Variants in HAO1 observed in about 807,000 individuals in gnomAD.
The protein encoded by HAO1 is hydroxyacid oxidase 1.
HAO1 carries 34 observed loss-of-function variants against 39.7 expected under a neutral mutation model. The observed-to-expected ratio is 0.86, with a 90% CI of 0.65 to 1.14. The LOEUF is 1.14. Among genes scored for constraint, HAO1 ranks in the 50% most tolerant of loss-of-function variants. The pLI is 0.00. For missense variants in HAO1, 479 were observed against 464.5 expected (o/e 1.03, Z -0.29); for synonymous variants, 172 against 173.2 (o/e 0.99, Z 0.05).
chr20:7,914,098 C>A, intron 3 of HAO1, 66 bp downstream of exon 3: 1 of 1,574,876 alleles, frequency 6.3e-7, no homozygotes, highest in Non-Finnish European at 8.7e-7. Flanking sequence ...CAGTAGAACC[C>A]AGACCCTAAC....
intron 2 of HAO1, among the ~76,000 whole-genome samples, chr20:7,932,766 T>A (rs1416059021): frequency 6.6e-6 from 1 of 152,190 alleles, no homozygotes; most frequent in Non-Finnish European, 1.5e-5. Context: ...TTTTTTCAAA[T>A]TATTTTCCTG....
At chr20:7,895,369 G>A in intron 4 of HAO1, 145 bp from the exon 5 acceptor site, 1 of 577,690 alleles carries the variant, frequency 1.7e-6, no homozygotes, top group Non-Finnish European at 3.1e-6. Context: ...TATACCCTAG[G>A]GTTAGCGCTA....
chr20:7,892,068 T>C (rs949961434), intron 5 of HAO1, among the ~76,000 whole-genome samples: 1 of 152,056 alleles, frequency 6.6e-6, no homozygotes, highest in Non-Finnish European at 1.5e-5. Context: ...CAGTTTTCAT[T>C]ACTTTTCATC....
intron 5 of HAO1, among the ~76,000 whole-genome samples, chr20:7,893,027 C>G (rs990937615): frequency 1.1e-4 from 16 of 152,112 alleles, no homozygotes; most frequent in Admixed American, 3.9e-4. Flanking sequence ...ACCTCATTGG[C>G]CTTTCTGCCT....
rs756100563 is a variant in HAO1 at position 7,885,844 on chromosome 20, A to G, written c.834T>C (p.Ile278=). The change falls in exon 6 of 8, where the codon ATT becomes ATC. Residue 278 remains isoleucine (I), a synonymous_variant. Transcript: ENST00000378789. The stretch of plus-strand genomic sequence containing the variant: ...CCACCTTCCCTTCCACAGCCTCCAC[A>G]ATTTCTGGCAGAACATCAATCTGGG... ...VPATIDVLPE[I]VEAVEGKVEV... is the part of the protein sequence containing the mutation. 1 of 1,613,488 alleles carries G rather than the reference A, an allele frequency of 6.2e-7. No homozygotes were observed. Among genetic ancestry groups the G allele is most frequent in the Non-Finnish European group, 8.5e-7 (1 of 1,179,602 alleles).
intron 4 of HAO1, among the ~76,000 whole-genome samples, chr20:7,899,254 A>G (rs1161481521): frequency 2.6e-5 from 4 of 152,126 alleles, no homozygotes; most frequent in Non-Finnish European, 5.9e-5. Context: ...AAATGAGGAT[A>G]GAGATCCACA....
chr20:7,889,512 A>G (rs1254150590), intron 5 of HAO1, among the ~76,000 whole-genome samples: 1 of 152,210 alleles, frequency 6.6e-6, no homozygotes, highest in African/African-American at 2.4e-5. Context: ...CATTATAACC[A>G]TGAGGTGATA....
intron 2 of HAO1, among the ~76,000 whole-genome samples, chr20:7,933,087 T>C (rs1049211894): frequency 5.3e-5 from 8 of 152,346 alleles, no homozygotes; most frequent in Admixed American, 5.2e-4. Context: ...TGAAATTGAA[T>C]ATTTTTCATA....
intron 4 of HAO1, 96 bp from the exon 5 acceptor site, chr20:7,895,320 C>T: frequency 1.3e-6 from 1 of 762,334 alleles, no homozygotes. Flanking sequence ...GAGGCTGACT[C>T]CCATCTGCAT....
intron 2 of HAO1, among the ~76,000 whole-genome samples, chr20:7,929,158 T>C (rs1358313328): frequency 6.6e-6 from 1 of 152,208 alleles, no homozygotes; most frequent in Non-Finnish European, 1.5e-5. Flanking sequence ...TACCTTTTTT[T>C]CCCTGAGGTT....
intron 4 of HAO1, among the ~76,000 whole-genome samples, chr20:7,899,250 G>A (rs906520779): frequency 6.6e-6 from 1 of 151,782 alleles, no homozygotes; most frequent in African/African-American, 2.4e-5. Context: ...CATAAAATGA[G>A]GATAGAGATC....
chr20:7,919,998 A>G (rs886341658), intron 2 of HAO1, among the ~76,000 whole-genome samples: 2 of 152,154 alleles, frequency 1.3e-5, no homozygotes, highest in African/African-American at 2.4e-5. Flanking sequence ...TAATGACCAT[A>G]TTCATCACCT....
At chr20:7,912,210 G>T (rs542015269) in intron 3 of HAO1, among the ~76,000 whole-genome samples, 1 of 152,198 alleles carries the variant, frequency 6.6e-6, no homozygotes, top group South Asian at 2.1e-4. Flanking sequence ...CACATCATCT[G>T]GGAAGGAGCC....
At chr20:7,908,769 T>A (rs745492980) in intron 3 of HAO1, among the ~76,000 whole-genome samples, 8 of 152,186 alleles carry the variant, frequency 5.3e-5, no homozygotes, top group Non-Finnish European at 1.0e-4. Context: ...TTCTTTTTAT[T>A]TAAATCAAAC....
chr20:7,919,283 G>A (rs1389312314), intron 2 of HAO1, among the ~76,000 whole-genome samples: 1 of 152,110 alleles, frequency 6.6e-6, no homozygotes, highest in Non-Finnish European at 1.5e-5. Flanking sequence ...CTCTTTCATT[G>A]TCCTTAAGAC....
rs892418834 is a variant in HAO1, at chr20:7,906,125, T to C, written c.721+29A>G. On this transcript the variant is annotated intron_variant, in intron 4 of 7. Coordinates refer to ENST00000378789, the MANE Select transcript of HAO1 (RefSeq NM_017545.3). ...TATCCACAAAGGATCACAAAGTCAGTATGAATTCAAGTAGAGAAATAAACG... is the reference window on the plus strand; with the variant it reads ...TATCCACAAAGGATCACAAAGTCAGCATGAATTCAAGTAGAGAAATAAACG... 6 of 1,477,316 alleles carry C rather than the reference T, an allele frequency of 4.1e-6. No individual in the cohort carries two copies. The Admixed American group carries it at 5.0e-5, about 12-fold the overall frequency. 91.5% of individuals were successfully genotyped at this position (1,477,316 alleles called of 1,614,324 possible). A position where few individuals can be genotyped will look rare whatever the true frequency, so the allele number is the denominator to read the frequency against.
At chr20:7,927,349 C>T (rs147615073) in intron 2 of HAO1, among the ~76,000 whole-genome samples, 2,008 of 151,886 alleles carry the variant, frequency 0.013, 39 homozygotes, top group African/African-American at 0.043. Flanking sequence ...AATTTTGTAT[C>T]CTTCTTTAAA....
intron 2 of HAO1, among the ~76,000 whole-genome samples, chr20:7,930,829 T>C (rs6108081): frequency 0.036 from 5,427 of 152,196 alleles, 327 homozygotes; most frequent in African/African-American, 0.12. Flanking sequence ...CAACAGATAA[T>C]GTCAGGCAAA....
At chr20:7,901,344 A>G (rs1221348003) in intron 4 of HAO1, among the ~76,000 whole-genome samples, 16 of 152,156 alleles carry the variant, frequency 1.1e-4, no homozygotes, top group Non-Finnish European at 7.4e-5. Context: ...CTGGAAGAAG[A>G]TGCCATCTAG....
Sources: allele counts gnomAD v4.1 joint callset (sites outside exome capture counted in the v4.1 genomes callset), GRCh38; gene constraint gnomAD v4.1.1; transcripts MANE v1.5; gene names NCBI Gene and HGNC (gene_info 2026-07-23, HGNC 2026-07-21).